The following CDH11 variants were observed in gnomAD, a reference collection of about 807,000 sequenced individuals.
CDH11 encodes the protein cadherin-11.
In CDH11, 11 loss-of-function variants were observed where a neutral mutation model predicts 67.8. The observed-to-expected ratio is 0.16, with a 90% confidence interval of 0.10 to 0.27. The LOEUF is 0.27. CDH11 is among the 10% of genes least tolerant of loss of function. CDH11 has a pLI of 1.00. For missense variants in CDH11, 847 were observed against 1,031.2 expected (o/e 0.82, Z 2.45); for synonymous variants, 419 against 400.0 (o/e 1.05, Z -0.57).
intron 1 of CDH11, chr16:65,094,697 T>G (rs1295110504): frequency 6.6e-6 from 1 of 152,176 alleles, no homozygotes. Flanking sequence ...ACGATGATAC[T>G]GACTACAAAC....
At chr16:65,013,834 A>G (rs2073234192) in intron 2 of CDH11, among the ~76,000 whole-genome samples, 1 of 152,086 alleles carries the variant, frequency 6.6e-6, no homozygotes, top group Non-Finnish European at 1.5e-5. Flanking sequence ...CTCAAAAAAA[A>G]AAAGAAAGAA....
At chr16:65,002,964 C>T (rs752504247) in intron 3 of CDH11, among the ~76,000 whole-genome samples, 19 of 145,454 alleles carry the variant, frequency 1.3e-4, no homozygotes, top group Admixed American at 2.8e-4. Context: ...GTAACTGTCT[C>T]TTTTCCACTA....
intron 7 of CDH11, 111 bp from the exon 8 acceptor site, chr16:64,982,412 A>G: frequency 2.4e-6 from 2 of 831,520 alleles, no homozygotes; most frequent in Non-Finnish European, 3.8e-6. Context: ...AGAGAAAATC[A>G]GAGTCTACTC....
At chr16:65,045,949 T>C (rs1423389423) in intron 2 of CDH11, among the ~76,000 whole-genome samples, 1 of 152,132 alleles carries the variant, frequency 6.6e-6, no homozygotes, top group Non-Finnish European at 1.5e-5. Context: ...AGTTAGTGAA[T>C]GAATGAATAC....
At chr16:65,122,535 C>G (rs151156523), upstream of CDH11, among the ~76,000 whole-genome samples, 13 of 152,252 alleles carry the variant, frequency 8.5e-5, no homozygotes, top group Non-Finnish European at 1.6e-4. Context: ...GGGAAGGTAT[C>G]GTCCAAGTGA....
chr16:64,982,008 A>C, intron 8 of CDH11, 40 bp downstream of exon 8: 1 of 1,549,442 alleles, frequency 6.5e-7, no homozygotes, highest in East Asian at 2.3e-5. Flanking sequence ...CTTGACTCTA[A>C]AATTCCCCAT....
At chr16:64,966,715 G>T (rs1266493548) in intron 11 of CDH11, among the ~76,000 whole-genome samples, 1 of 151,952 alleles carries the variant, frequency 6.6e-6, no homozygotes, top group East Asian at 1.9e-4. Context: ...TTTGGGTGAG[G>T]AACATCTTGC....
At chr16:65,122,110 T>TGGGG, upstream of CDH11, 1 of 66,676 alleles carries the variant, frequency 1.5e-5, no homozygotes, top group Non-Finnish European at 2.8e-5. Context: ...CGGGGGGAGG[T>TGGGG]GGCGGGCGGG....
chr16:65,046,896 C>A (rs2073970591), intron 2 of CDH11, among the ~76,000 whole-genome samples: 1 of 152,078 alleles, frequency 6.6e-6, no homozygotes, highest in South Asian at 2.1e-4. Flanking sequence ...TCACTTGAGG[C>A]CAGGAGCTCG....
In CDH11 at chr16:65,004,736, C is replaced by T. The variant is rs762295818; in HGVS notation, c.134G>A (p.Gly45Glu). ...FHGHHEKGKE[G>E]QVLQRSKRGW... ...ACGCTTGGAGCGCTGTAGCACCTGC[C>T]CCTCCTTGCCCTTCTCATGGTGCCC... The change falls in exon 3 of 13, where the codon GGG (glycine) becomes GAG (glutamate). Residue 45 changes from glycine to glutamate, a missense_variant. Physicochemically the swap from Gly to Glu is moderately conservative, Grantham distance 98. This residue lies in a region of CDH11 where 235 missense variants were observed against 352.5 expected (regional missense o/e 0.67). Transcript: ENST00000268603. The T allele has an allele frequency of 5.6e-6, 9 of 1,613,894 alleles. No individual in the cohort carries two copies. Among genetic ancestry groups the T allele is most frequent in the Non-Finnish European group, 6.8e-6 (8 of 1,179,988 alleles).
intron 11 of CDH11, among the ~76,000 whole-genome samples, chr16:64,966,489 A>T (rs1281011149): frequency 1.3e-5 from 2 of 151,998 alleles, no homozygotes; most frequent in Non-Finnish European, 2.9e-5. Flanking sequence ...GTATAAAATT[A>T]TTAAAGAAAA....
rs1312673306 is a variant in CDH11 at position 65,121,422 on chromosome 16, C to T, written c.-298+458G>A. ...GATCCGGGAGGATGGAGTAAGAACC[C>T]CGCAGAGCGCGGTCATGTCGCCGCT... On this transcript the variant is annotated intron_variant, in intron 1 of 12. Transcript: ENST00000268603. The surrounding 1 kb of genome is among the most constrained non-coding windows in gnomAD (Gnocchi z 4.1). Among the ~76,000 whole-genome samples the T allele has an allele frequency of 6.6e-6, 1 of 152,216 alleles. No homozygotes were observed. The highest frequency in any genetic ancestry group is 1.5e-5 in the Non-Finnish European group (1 of 68,038).
chr16:64,994,792 A>C (rs1199512715), intron 4 of CDH11, among the ~76,000 whole-genome samples: 1 of 152,228 alleles, frequency 6.6e-6, no homozygotes, highest in Non-Finnish European at 1.5e-5. Context: ...TAATGATATG[A>C]TTCTATACCT....
At chr16:65,057,592 C>T (rs2074166478) in intron 1 of CDH11, among the ~76,000 whole-genome samples, 1 of 152,144 alleles carries the variant, frequency 6.6e-6, no homozygotes, top group African/African-American at 2.4e-5. Context: ...TGTGGCAGCT[C>T]CCTTTTGCTA....
chr16:64,973,313 A>G (rs1007961172), intron 8 of CDH11, among the ~76,000 whole-genome samples: 1 of 152,162 alleles, frequency 6.6e-6, no homozygotes, highest in African/African-American at 2.4e-5. Flanking sequence ...ATTTCTCCAT[A>G]TTTACTACAA....
At chr16:65,115,723 AAAAAAAC>A (rs1567589022) in intron 1 of CDH11, among the ~76,000 whole-genome samples, 489 of 40,390 alleles carry the variant, frequency 0.012, 9 homozygotes, top group African/African-American at 0.024. Flanking sequence ...AAAAAAAAAC[AAAAAAAC>A]AAAACCTCAG....
Position 65,107,803 on chromosome 16 carries a change from T to C in CDH11, c.-298+14077A>G, listed in dbSNP as rs551958268. 4.6e-5 allele frequency among the ~76,000 whole-genome samples: 7 copies of C among 152,168 alleles called. No individual in the cohort carries two copies. In the South Asian group the frequency reaches 1.5e-3, roughly 32 times the overall value. On this transcript the variant is annotated intron_variant, in intron 1 of 12. Transcript: ENST00000268603. ...TTAGAAAGTGCCATGCCAAGTGATT[T>C]GTGGAGGAAGATTTGAGGGCCAGGC...
Position 65,057,514 on chromosome 16 carries a change from A to C in CDH11, c.-297-3586T>G, listed in dbSNP as rs2220964. ...CGTGAAGCCAGAGTGTATAAAGTGG[A>C]ATGAAGGACATACTCAGTAAGCATA... is the stretch of plus-strand genomic sequence containing the variant. On this transcript the variant is annotated intron_variant, in intron 1 of 12. Transcript: ENST00000268603. Among the ~76,000 whole-genome samples the C allele has an allele frequency of 4.8e-3, 736 of 152,318 alleles. 2 individuals carry two copies. The highest frequency in any genetic ancestry group is 0.017 in the African/African-American group (700 of 41,562).
chr16:64,980,323 G>T (rs1192603505), intron 8 of CDH11, among the ~76,000 whole-genome samples: 1 of 152,142 alleles, frequency 6.6e-6, no homozygotes, highest in Admixed American at 6.5e-5. Flanking sequence ...AGTTTGCCAA[G>T]GCCTAAACTA....
Sources: allele counts gnomAD v4.1 joint callset (sites outside exome capture counted in the v4.1 genomes callset), GRCh38; gene constraint gnomAD v4.1.1; regional missense constraint gnomAD v4.1.1; non-coding constraint Gnocchi (gnomAD v3.1); transcripts MANE v1.5; gene names NCBI Gene and HGNC (gene_info 2026-07-23, HGNC 2026-07-21).